Variants in STAU2 observed in about 807,000 individuals in gnomAD.
The protein encoded by STAU2 is staufen double-stranded RNA binding protein 2.
A neutral mutation model predicts 65.9 loss-of-function variants in STAU2; 20 were observed. That is an observed-to-expected ratio of 0.30 (90% confidence interval 0.21 to 0.44). The LOEUF is 0.44. Ranked by LOEUF, STAU2 falls within the 20% of genes least tolerant of loss-of-function variation. STAU2 has a pLI of 1.00. For synonymous variants in STAU2, 232 were observed against 233.9 expected (o/e 0.99, Z 0.07); for missense variants, 558 against 683.9 (o/e 0.82, Z 2.05).
intron 13 of STAU2, among the ~76,000 whole-genome samples, chr8:73,513,731 T>C (rs1822544737): frequency 6.6e-6 from 1 of 152,216 alleles, no homozygotes. Context: ...AGTTGCTAGC[T>C]AGCCTTTCTT....
chr8:73,512,805 T>C (rs1822484708), intron 13 of STAU2, among the ~76,000 whole-genome samples: 1 of 152,222 alleles, frequency 6.6e-6, no homozygotes, highest in South Asian at 2.1e-4. Flanking sequence ...TCAAATCTGT[T>C]ATTGAGTTAC....
At chr8:73,739,971 G>T in intron 1 of STAU2, 103 bp from the exon 2 acceptor site, 1 of 631,346 alleles carries the variant, frequency 1.6e-6, no homozygotes, top group Non-Finnish European at 2.8e-6. Context: ...TCAGAGGGAG[G>T]CAGATGCCAA....
At position 73,628,080 on chromosome 8, in the gene STAU2, G is replaced by GTT. The variant is rs11373925; in HGVS notation, c.411-10631_411-10630dup. On this transcript the variant is annotated intron_variant, in intron 6 of 14. Transcript: ENST00000524300. The stretch of plus-strand genomic sequence containing the variant: ...ACATACAATTTTTTTTAAAATGTAA[G>GTT]TTTTTTTTTTTTGAAACAGGGTCTC... Among the ~76,000 whole-genome samples, 45 of 147,226 alleles carry GTT rather than the reference G, an allele frequency of 3.1e-4. 1 individual carries two copies. The South Asian group carries it at 3.9e-3, about 13-fold the overall frequency.
chr8:73,669,208 A>G, intron 6 of STAU2: 1 of 659,114 alleles, frequency 1.5e-6, no homozygotes. Context: ...TTTTCAGTTG[A>G]AACATGGCTT....
chr8:73,738,047 A>T (rs1433298318), intron 3 of STAU2, among the ~76,000 whole-genome samples: 1 of 151,890 alleles, frequency 6.6e-6, no homozygotes, highest in African/African-American at 2.4e-5. Flanking sequence ...TGACATCAAG[A>T]AGAACAGACA....
chr8:73,484,044 A>G (rs898482772), intron 13 of STAU2, among the ~76,000 whole-genome samples: 2 of 152,160 alleles, frequency 1.3e-5, no homozygotes, highest in East Asian at 1.9e-4. Flanking sequence ...ATTAAGATGC[A>G]ATTAGTGTTC....
At chr8:73,731,457 G>A (rs1242010556) in intron 3 of STAU2, among the ~76,000 whole-genome samples, 2 of 152,164 alleles carry the variant, frequency 1.3e-5, no homozygotes, top group Non-Finnish European at 2.9e-5. Flanking sequence ...AGGCTCTGCA[G>A]TAAGCTGTTA....
intron 3 of STAU2, among the ~76,000 whole-genome samples, chr8:73,735,517 T>C (rs1806372007): frequency 6.6e-6 from 1 of 152,192 alleles, no homozygotes; most frequent in Admixed American, 6.5e-5. Context: ...TGTACCAACA[T>C]AATGCTCAAA....
chr8:73,581,315 T>G (rs902232490), intron 12 of STAU2, among the ~76,000 whole-genome samples: 2 of 152,212 alleles, frequency 1.3e-5, no homozygotes, highest in African/African-American at 4.8e-5. Context: ...GTTTAGTGCC[T>G]GAATGTAACT....
chr8:73,577,426 CA>C (rs1284627228), intron 12 of STAU2, among the ~76,000 whole-genome samples: 114 of 120,364 alleles, frequency 9.5e-4, no homozygotes, highest in East Asian at 5.6e-3. Context: ...GACTCCATCT[CA>C]AAAAAAAAAA....
intron 13 of STAU2, among the ~76,000 whole-genome samples, chr8:73,516,068 G>A (rs1011935789): frequency 6.6e-6 from 1 of 151,620 alleles, no homozygotes; most frequent in Non-Finnish European, 1.5e-5. Flanking sequence ...TGAGTAGCTG[G>A]GACTATAGGC....
intron 13 of STAU2, among the ~76,000 whole-genome samples, chr8:73,525,624 G>A (rs1823315101): frequency 6.6e-6 from 1 of 152,198 alleles, no homozygotes; most frequent in African/African-American, 2.4e-5. Flanking sequence ...ATCCCAGTCT[G>A]CACTCTCACT....
At chr8:73,701,670 G>A (rs1452262777) in intron 4 of STAU2, among the ~76,000 whole-genome samples, 1 of 152,118 alleles carries the variant, frequency 6.6e-6, no homozygotes, top group South Asian at 2.1e-4. Context: ...AGAACAGTTT[G>A]GAGGTTCCTC....
intron 13 of STAU2, among the ~76,000 whole-genome samples, chr8:73,537,617 T>C: frequency 6.6e-6 from 1 of 151,962 alleles, no homozygotes. Flanking sequence ...CTAGAAAAAA[T>C]ATCCCTGAGG....
At chr8:73,688,525 TGTGTGTAGGTATGG>T in intron 5 of STAU2, 115 bp downstream of exon 5, 18 of 728,014 alleles carry the variant, frequency 2.5e-5, no homozygotes, top group Non-Finnish European at 3.4e-5. Context: ...TGTGTGTGTG[TGTGTGTAGGTATGG>T]GCATATGTGT....
chr8:73,622,367 C>T (rs919624524), intron 6 of STAU2, among the ~76,000 whole-genome samples: 6 of 152,050 alleles, frequency 3.9e-5, no homozygotes, highest in East Asian at 1.9e-4. Flanking sequence ...CCTTGTGATC[C>T]GCCCGCCTCG....
chr8:73,597,484 T>C (rs892484776), intron 10 of STAU2, among the ~76,000 whole-genome samples: 6 of 147,424 alleles, frequency 4.1e-5, no homozygotes, highest in African/African-American at 1.5e-4. Context: ...TGAAACCCTG[T>C]CTTACTAAAA....
intron 4 of STAU2, among the ~76,000 whole-genome samples, chr8:73,699,616 C>T (rs1279456632): frequency 6.6e-6 from 1 of 151,792 alleles, no homozygotes; most frequent in Admixed American, 6.6e-5. Context: ...AAGATTGAAC[C>T]CGGAAGAAAT....
chr8:73,503,780 G>A (rs1166591410), intron 13 of STAU2, among the ~76,000 whole-genome samples: 3 of 151,976 alleles, frequency 2.0e-5, no homozygotes, highest in African/African-American at 7.2e-5. Flanking sequence ...TTTGTCTCTT[G>A]GCTGAGACTG....
Sources: allele counts gnomAD v4.1 joint callset (sites outside exome capture counted in the v4.1 genomes callset), GRCh38; gene constraint gnomAD v4.1.1; transcripts MANE v1.5; gene names NCBI Gene and HGNC (gene_info 2026-07-23, HGNC 2026-07-21).